The following KCNMA1 variants were observed in gnomAD, a reference collection of about 807,000 sequenced individuals.
The protein encoded by KCNMA1 is Calcium-activated potassium channel subunit alpha-1.
Under a neutral mutation model 140.0 loss-of-function variants are expected in KCNMA1, and 29 were observed. The ratio of observed to expected loss-of-function variants is 0.21; its 90% CI spans 0.15 to 0.28. KCNMA1 has a LOEUF of 0.28. Ranked by LOEUF, KCNMA1 falls within the 10% of genes least tolerant of loss-of-function variation. KCNMA1 has a pLI of 1.00. For missense variants in KCNMA1, 880 were observed against 1,602.2 expected (o/e 0.55, Z 7.70); for synonymous variants, 612 against 611.9 (o/e 1.00, Z 0.00).
At chr10:76,958,398 G>A (rs193197664) in intron 20 of KCNMA1, among the ~76,000 whole-genome samples, 6 of 152,098 alleles carry the variant, frequency 3.9e-5, no homozygotes, top group African/African-American at 1.4e-4. Context: ...TGTCACTTGC[G>A]ACTTAGCCAA....
chr10:77,338,899 C>T (rs2090059810), intron 2 of KCNMA1, among the ~76,000 whole-genome samples: 1 of 152,320 alleles, frequency 6.6e-6, no homozygotes, highest in South Asian at 2.1e-4. Context: ...CCTTTGTCTA[C>T]AAGACAGTTT....
At chr10:77,040,653 CT>C (rs1257311643) in intron 14 of KCNMA1, among the ~76,000 whole-genome samples, 7 of 152,210 alleles carry the variant, frequency 4.6e-5, no homozygotes, top group Admixed American at 6.5e-5. Flanking sequence ...TAGAATGATA[CT>C]TTTTTTCCTC....
chr10:76,916,026 A>G (rs1394087815), intron 23 of KCNMA1, among the ~76,000 whole-genome samples: 1 of 150,958 alleles, frequency 6.6e-6, no homozygotes, highest in Non-Finnish European at 1.5e-5. Context: ...AAACACACAC[A>G]CACACACACA....
intron 2 of KCNMA1, among the ~76,000 whole-genome samples, chr10:77,281,791 G>C (rs1394591667): frequency 6.6e-6 from 1 of 152,194 alleles, no homozygotes; most frequent in Admixed American, 6.5e-5. Context: ...AGACATAAAG[G>C]ATTACATACT....
chr10:77,048,108 C>CAATAAATAAATAAATAAATA (rs60963807), intron 14 of KCNMA1, among the ~76,000 whole-genome samples: 70,848 of 143,176 alleles, frequency 0.49, 19,381 homozygotes, highest in Non-Finnish European at 0.59. Flanking sequence ...CATGATGAGA[C>CAATAAATAAATAAATAAATA]AATAAATAAA....
At chr10:77,273,530 T>G (rs2065778455) in intron 2 of KCNMA1, among the ~76,000 whole-genome samples, 1 of 152,210 alleles carries the variant, frequency 6.6e-6, no homozygotes, top group Non-Finnish European at 1.5e-5. Flanking sequence ...TGAAAAGGTT[T>G]GTGGAATGGA....
chr10:77,014,963 C>A (rs911514167), intron 17 of KCNMA1, among the ~76,000 whole-genome samples: 1 of 152,218 alleles, frequency 6.6e-6, no homozygotes, highest in Non-Finnish European at 1.5e-5. Flanking sequence ...TCACTTTAAA[C>A]CCACAACCAT....
At chr10:77,566,328 C>T (rs925133332) in intron 1 of KCNMA1, among the ~76,000 whole-genome samples, 2 of 152,216 alleles carry the variant, frequency 1.3e-5, no homozygotes, top group Admixed American at 1.3e-4. Flanking sequence ...CGGGGCACCA[C>T]CTGAAAAGTC....
chr10:77,612,523 G>A (rs935334811), intron 1 of KCNMA1, among the ~76,000 whole-genome samples: 1 of 152,284 alleles, frequency 6.6e-6, no homozygotes, highest in Admixed American at 6.5e-5. Flanking sequence ...TCCTAGGAGC[G>A]CTTGTGGTCG....
chr10:77,078,392 G>A (rs1339784620), intron 13 of KCNMA1, among the ~76,000 whole-genome samples: 1 of 152,220 alleles, frequency 6.6e-6, no homozygotes, highest in African/African-American at 2.4e-5. Context: ...CACTGCCTTT[G>A]AATGAGACAC....
chr10:76,986,456 T>G (rs1728632253), intron 19 of KCNMA1, among the ~76,000 whole-genome samples: 1 of 152,216 alleles, frequency 6.6e-6, no homozygotes, highest in Non-Finnish European at 1.5e-5. Context: ...GTCTCAGGCA[T>G]AGGCCATGGG....
intron 3 of KCNMA1, among the ~76,000 whole-genome samples, chr10:77,209,845 T>C (rs1414643814): frequency 6.6e-6 from 1 of 150,586 alleles, no homozygotes; most frequent in Non-Finnish European, 1.5e-5. Flanking sequence ...CTCCCAAGAT[T>C]GAACCAGGAA....
rs145665450 is a variant in KCNMA1 at position 77,240,756 on chromosome 10, G to T, written c.602+10439C>A. ...AGCTGGACCTGGGAAGCCACTTCAG[G>T]TGAGGCTTCAGCTCTCATTGCAGTC... is the stretch of plus-strand genomic sequence containing the variant. On this transcript the variant is annotated intron_variant, in intron 3 of 27. Coordinates refer to ENST00000286628, the MANE Select transcript of KCNMA1 (RefSeq NM_001161352.2). 2.4e-3 allele frequency among the ~76,000 whole-genome samples: 371 copies of T among 152,308 alleles called. 3 individuals carry two copies. The highest frequency in any genetic ancestry group is 8.5e-3 in the African/African-American group (354 of 41,568).
At chr10:77,314,482 T>C (rs775751199) in intron 2 of KCNMA1, among the ~76,000 whole-genome samples, 9 of 152,162 alleles carry the variant, frequency 5.9e-5, no homozygotes, top group African/African-American at 9.7e-5. Context: ...ATTCAAAGAT[T>C]TTAGAATGTC....
At chr10:77,037,816 TC>T (rs780575289) in intron 15 of KCNMA1, among the ~76,000 whole-genome samples, 2 of 152,016 alleles carry the variant, frequency 1.3e-5, no homozygotes, top group Non-Finnish European at 2.9e-5. Flanking sequence ...AAGCCTGCTT[TC>T]CCCCGGGGCT....
chr10:77,208,116 G>A (rs961547405), intron 3 of KCNMA1, among the ~76,000 whole-genome samples: 1 of 152,228 alleles, frequency 6.6e-6, no homozygotes, highest in Non-Finnish European at 1.5e-5. Context: ...ATGCCACACT[G>A]TTGCAAATCT....
At chr10:77,046,988 G>A (rs1241714447) in intron 14 of KCNMA1, among the ~76,000 whole-genome samples, 2 of 152,140 alleles carry the variant, frequency 1.3e-5, no homozygotes, top group East Asian at 1.9e-4. Context: ...GCATCTCAGC[G>A]CTGAACTTCT....
intron 14 of KCNMA1, among the ~76,000 whole-genome samples, chr10:77,066,839 C>T (rs1395738154): frequency 6.6e-6 from 1 of 152,170 alleles, no homozygotes; most frequent in Non-Finnish European, 1.5e-5. Flanking sequence ...ACTCTCTACT[C>T]TGGTACCACT....
chr10:77,539,435 T>C (rs1343127262), intron 1 of KCNMA1, among the ~76,000 whole-genome samples: 1 of 152,204 alleles, frequency 6.6e-6, no homozygotes, highest in Admixed American at 6.5e-5. Flanking sequence ...GGCCTGGGGA[T>C]ACCCAGATAA....
Sources: gnomAD v4.1 joint callset for allele counts (sites outside exome capture counted in the v4.1 genomes callset) on GRCh38, gnomAD v4.1.1 for gene constraint, MANE v1.5 for transcripts, NCBI Gene and HGNC (gene_info 2026-07-23, HGNC 2026-07-21) for gene names.